The following CHN2 variants were observed in gnomAD, a reference collection of about 807,000 sequenced individuals.
CHN2 encodes beta-chimaerin.
CHN2 carries 35 observed loss-of-function variants against 56.3 expected under a neutral mutation model. The ratio of observed to expected loss-of-function variants is 0.62; its 90% confidence interval spans 0.47 to 0.82. CHN2 has a LOEUF of 0.82. CHN2 is among the 40% of genes least tolerant of loss of function. The pLI is 0.00. For synonymous variants in CHN2, 210 were observed against 212.8 expected (o/e 0.99, Z 0.12); for missense variants, 491 against 580.5 (o/e 0.85, Z 1.58).
At chr7:29,242,150 A>T (rs1204583878) in intron 1 of CHN2, among the ~76,000 whole-genome samples, 28 of 152,096 alleles carry the variant, frequency 1.8e-4, no homozygotes. Flanking sequence ...ACTTGCCCAA[A>T]TGTCATGTAG....
chr7:29,186,829 A>T (rs1342519920), intron 2 of CHN2, among the ~76,000 whole-genome samples: 1 of 152,148 alleles, frequency 6.6e-6, no homozygotes, highest in Non-Finnish European at 1.5e-5. Flanking sequence ...GGTGGGTTCA[A>T]ATTAATGCCT....
intron 1 of CHN2, among the ~76,000 whole-genome samples, chr7:29,209,893 G>T (rs946811618): frequency 3.3e-5 from 5 of 152,196 alleles, no homozygotes; most frequent in African/African-American, 7.2e-5. Context: ...TTGGAGAGCA[G>T]ATTCCTGTTT....
chr7:29,355,015 CT>C, intron 2 of CHN2, among the ~76,000 whole-genome samples: 1 of 150,858 alleles, frequency 6.6e-6, no homozygotes, highest in Non-Finnish European at 1.5e-5. Flanking sequence ...GTTGCCCAGG[CT>C]GGAGTGAAAT....
intron 1 of CHN2, among the ~76,000 whole-genome samples, chr7:29,220,125 C>T (rs1184329103): frequency 6.6e-6 from 1 of 151,486 alleles, no homozygotes. Flanking sequence ...ATAAATGATT[C>T]AAACCTCCAA....
chr7:29,489,733 C>T (rs1174051098), intron 7 of CHN2, among the ~76,000 whole-genome samples: 2 of 152,056 alleles, frequency 1.3e-5, no homozygotes, highest in Non-Finnish European at 2.9e-5. Context: ...ACTTGCTCTT[C>T]GAGACGTCTA....
intron 1 of CHN2, among the ~76,000 whole-genome samples, chr7:29,295,162 T>G (rs914308005): frequency 6.6e-6 from 1 of 152,154 alleles, no homozygotes; most frequent in African/African-American, 2.4e-5. Context: ...CTGTATTGTT[T>G]AGGGAATAAT....
At chr7:29,226,637 A>G (rs543418585) in intron 1 of CHN2, among the ~76,000 whole-genome samples, 28 of 152,352 alleles carry the variant, frequency 1.8e-4, no homozygotes, top group African/African-American at 5.5e-4. Context: ...AAAAATCAAA[A>G]TCAAAATCCA....
intron 2 of CHN2, among the ~76,000 whole-genome samples, chr7:29,361,975 T>C (rs760644141): frequency 3.3e-5 from 5 of 152,260 alleles, no homozygotes; most frequent in Non-Finnish European, 5.9e-5. Context: ...TCCCCATGTC[T>C]GATCCCTCTT....
intron 2 of CHN2, among the ~76,000 whole-genome samples, chr7:29,160,710 A>G (rs79358379): frequency 0.017 from 2,615 of 152,276 alleles, 66 homozygotes; most frequent in African/African-American, 0.057. Flanking sequence ...TCTTGTGACC[A>G]TGAGGAAAAA....
intron 6 of CHN2, among the ~76,000 whole-genome samples, chr7:29,460,310 CT>C (rs1785069936): frequency 6.6e-6 from 1 of 152,202 alleles, no homozygotes; most frequent in Admixed American, 6.5e-5. Context: ...ACCCATCACC[CT>C]TTTGTAACAG....
chr7:29,353,948 A>G (rs17157808), intron 1 of CHN2, among the ~76,000 whole-genome samples: 4,268 of 152,324 alleles, frequency 0.028, 215 homozygotes, highest in African/African-American at 0.097. Flanking sequence ...AGTCGACTGA[A>G]CAAGCAGGTT....
intron 6 of CHN2, among the ~76,000 whole-genome samples, chr7:29,410,085 T>A (rs1056804513): frequency 2.6e-5 from 4 of 152,212 alleles, no homozygotes; most frequent in Admixed American, 2.6e-4. Context: ...TGAGTCTATA[T>A]GAGTTTTAAT....
intron 6 of CHN2, chr7:29,445,267 G>A (rs7804451): frequency 0.01 from 4,264 of 411,374 alleles, 154 homozygotes; most frequent in African/African-American, 0.078. Context: ...AGACTTAAGG[G>A]AACAAATACC....
rs886836381 is a variant in CHN2 at position 29,376,813 on chromosome 7, G to T, written c.144+8826G>T. ...ATTTTCCACCCTTTAAAAATATTTT[G>T]TCTTTCTTCTTTGCTATTTCTAACT... On this transcript the variant is annotated intron_variant, in intron 3 of 12. Coordinates refer to ENST00000222792, the MANE Select transcript of CHN2 (RefSeq NM_004067.4). Among the ~76,000 whole-genome samples the T allele has an allele frequency of 5.3e-5, 8 of 151,960 alleles. 1 individual carries two copies. The highest frequency in any genetic ancestry group is 1.9e-4 in the African/African-American group (8 of 41,352).
In CHN2 at chr7:29,505,748, A is replaced by G. The variant is rs111607626; in HGVS notation, c.991+927A>G. Among the ~76,000 whole-genome samples the G allele has an allele frequency of 2.9e-3, 448 of 152,326 alleles. 6 individuals are homozygous for G. Among genetic ancestry groups the G allele is most frequent in the African/African-American group, 0.01 (421 of 41,576 alleles). ...CCCACATTCTCCACACTTCTTCAGC[A>G]TAGCAATCTTCCTATTTCCTTGTCA... On this transcript the variant is annotated intron_variant, in intron 10 of 12. Transcript: ENST00000222792.
At chr7:29,398,631 C>G (rs1801958933) in intron 5 of CHN2, 145 bp downstream of exon 5, 2 of 617,654 alleles carry the variant, frequency 3.2e-6, no homozygotes, top group African/African-American at 3.7e-5. Context: ...GGGTCCCACT[C>G]TCTCACCCAG....
intron 2 of CHN2, among the ~76,000 whole-genome samples, chr7:29,159,635 A>C (rs1794908575): frequency 1.3e-5 from 2 of 152,054 alleles, no homozygotes; most frequent in South Asian, 2.1e-4. Context: ...CGTGCAGAGG[A>C]CATTTTGCTC....
rs770356565 is a variant in CHN2 at position 29,316,643 on chromosome 7, C to G, written c.50-37982C>G. Among the ~76,000 whole-genome samples, 4 of 152,118 alleles carry G rather than the reference C, an allele frequency of 2.6e-5. No homozygotes were observed. The South Asian group carries it at 8.3e-4, about 32-fold the overall frequency. ...ATGGCTTATACTAAAAGCCAGTTTT[C>G]AGGTAGAGTTGAATGTAGCTAGAGC... On this transcript the variant is annotated intron_variant, in intron 1 of 12. Transcript: ENST00000222792.
intron 9 of CHN2, among the ~76,000 whole-genome samples, chr7:29,501,906 G>GC (rs1790009228): frequency 6.6e-6 from 1 of 152,156 alleles, no homozygotes; most frequent in Admixed American, 6.5e-5. Context: ...TCTCTTACTG[G>GC]CTGTAGTATG....
Sources: allele counts gnomAD v4.1 joint callset (sites outside exome capture counted in the v4.1 genomes callset), GRCh38; gene constraint gnomAD v4.1.1; transcripts MANE v1.5; gene names NCBI Gene and HGNC (gene_info 2026-07-23, HGNC 2026-07-21).